OPCML: variants seen among roughly 807,000 people sequenced by gnomAD.
OPCML encodes opioid binding protein/cell adhesion molecule like, also known as opioid-binding protein/cell adhesion molecule.
OPCML carries 13 observed loss-of-function variants against 37.8 expected under a neutral mutation model. The observed-to-expected ratio is 0.34, with a 90% CI of 0.22 to 0.55. The LOEUF (loss-of-function observed/expected upper bound fraction) is 0.55. Ranked by LOEUF, OPCML falls within the 20% of genes least tolerant of loss-of-function variation. The pLI is 0.91. For missense variants in OPCML, 341 were observed against 435.6 expected, an observed-to-expected ratio of 0.78 and a Z score of 1.93; for synonymous variants, 176 against 168.8, an observed-to-expected ratio of 1.04 and a Z score of -0.33.
intron 3 of OPCML, among the ~76,000 whole-genome samples, chr11:132,532,146 C>T (rs1000392364): frequency 1.3e-4 from 20 of 152,152 alleles, no homozygotes; most frequent in African/African-American, 4.3e-4. Flanking sequence ...GCATGTCATC[C>T]TCATTGCTCA....
At chr11:133,363,609 G>C (rs1374350070) in intron 1 of OPCML, among the ~76,000 whole-genome samples, 1 of 152,202 alleles carries the variant, frequency 6.6e-6, no homozygotes, top group Non-Finnish European at 1.5e-5. Context: ...CAGAGGCACA[G>C]TCTTTCCTAT....
chr11:133,135,432 C>T (rs1949674033), intron 1 of OPCML, among the ~76,000 whole-genome samples: 1 of 131,790 alleles, frequency 7.6e-6, no homozygotes, highest in Non-Finnish European at 1.6e-5. Flanking sequence ...ATTCTTTGCC[C>T]TCCATAGGTT....
chr11:132,612,242 C>T (rs1288978003), intron 3 of OPCML, among the ~76,000 whole-genome samples: 1 of 152,100 alleles, frequency 6.6e-6, no homozygotes, highest in Non-Finnish European at 1.5e-5. Context: ...AACCTTTTTC[C>T]CTTGGAACGA....
intron 2 of OPCML, among the ~76,000 whole-genome samples, chr11:132,860,961 T>C (rs894316438): frequency 6.6e-6 from 1 of 152,234 alleles, no homozygotes; most frequent in Non-Finnish European, 1.5e-5. Context: ...CGAAGAGATT[T>C]GGAGAAACTG....
At chr11:132,609,331 A>C (rs1591619660) in intron 3 of OPCML, among the ~76,000 whole-genome samples, 2 of 152,202 alleles carry the variant, frequency 1.3e-5, no homozygotes. Context: ...CAAAAGTCTT[A>C]ATGTGAATAC....
intron 2 of OPCML, among the ~76,000 whole-genome samples, chr11:132,684,301 C>T (rs979717307): frequency 5.3e-5 from 8 of 152,148 alleles, no homozygotes; most frequent in African/African-American, 1.9e-4. Flanking sequence ...TTGAGATAGG[C>T]AACTTTATTT....
intron 2 of OPCML, among the ~76,000 whole-genome samples, chr11:132,854,135 C>A (rs1054511967): frequency 9.8e-5 from 15 of 152,294 alleles, no homozygotes; most frequent in African/African-American, 3.6e-4. Flanking sequence ...GGGCGGCTCA[C>A]AGAACCCAAG....
chr11:133,136,720 T>C (rs1372209046), intron 1 of OPCML, among the ~76,000 whole-genome samples: 1 of 151,860 alleles, frequency 6.6e-6, no homozygotes, highest in African/African-American at 2.4e-5. Context: ...GAGCAAGAAA[T>C]GCTACATTGG....
At chr11:133,137,183 A>G (rs1306649045) in intron 1 of OPCML, among the ~76,000 whole-genome samples, 2 of 152,080 alleles carry the variant, frequency 1.3e-5, no homozygotes, top group Non-Finnish European at 2.9e-5. Flanking sequence ...GCCTCTCTTG[A>G]AAAACTCTTC....
intron 1 of OPCML, among the ~76,000 whole-genome samples, chr11:133,222,814 G>T (rs943223940): frequency 6.6e-6 from 1 of 151,732 alleles, no homozygotes; most frequent in Admixed American, 6.6e-5. Context: ...GAGCAAAGGG[G>T]GGCCGAGCCG....
chr11:133,192,503 C>G (rs1253440261), intron 1 of OPCML, among the ~76,000 whole-genome samples: 2 of 152,230 alleles, frequency 1.3e-5, no homozygotes, highest in African/African-American at 4.8e-5. Context: ...TTACCACTCC[C>G]TTTCTGAAGG....
At chr11:133,198,399 A>G (rs1442850907) in intron 1 of OPCML, among the ~76,000 whole-genome samples, 2 of 152,276 alleles carry the variant, frequency 1.3e-5, no homozygotes, top group Non-Finnish European at 2.9e-5. Flanking sequence ...TTTAGCAAGT[A>G]AAGAATCAGA....
chr11:133,221,080 CT>C (rs1343284547), intron 1 of OPCML, among the ~76,000 whole-genome samples: 1 of 152,178 alleles, frequency 6.6e-6, no homozygotes, highest in Non-Finnish European at 1.5e-5. Context: ...GCTCAGAGGC[CT>C]TCTTGAGTGC....
intron 1 of OPCML, among the ~76,000 whole-genome samples, chr11:133,494,261 A>G (rs1468988272): frequency 2.6e-5 from 4 of 151,964 alleles, no homozygotes; most frequent in African/African-American, 7.3e-5. Context: ...GAACACTTTT[A>G]CACTGTTGGT....
intron 1 of OPCML, among the ~76,000 whole-genome samples, chr11:133,446,410 A>G (rs1310118812): frequency 6.6e-6 from 1 of 152,200 alleles, no homozygotes; most frequent in Non-Finnish European, 1.5e-5. Flanking sequence ...GCCCACTATA[A>G]TATAACTAGT....
intron 1 of OPCML, among the ~76,000 whole-genome samples, chr11:133,471,813 G>A (rs1293975788): frequency 6.6e-6 from 1 of 152,200 alleles, no homozygotes; most frequent in South Asian, 2.1e-4. Flanking sequence ...ACTGAGGTCA[G>A]GAGTCATTGA....
chr11:133,118,121 G>T, intron 1 of OPCML: 1 of 708,306 alleles, frequency 1.4e-6, no homozygotes, highest in Non-Finnish European at 1.7e-6. Context: ...CTGTGACTCA[G>T]GTGAAACTTC....
chr11:133,072,480 G>C (rs1181989766), intron 1 of OPCML, among the ~76,000 whole-genome samples: 1 of 152,158 alleles, frequency 6.6e-6, no homozygotes, highest in Non-Finnish European at 1.5e-5. Context: ...TAAAACAAAT[G>C]AATGAATCTC....
chr11:133,242,907 A>G (rs1478070208), intron 1 of OPCML, among the ~76,000 whole-genome samples: 4 of 152,266 alleles, frequency 2.6e-5, no homozygotes, highest in Admixed American at 2.6e-4. Context: ...AAAAGAAATA[A>G]AAATACATTT....
Sources: allele counts gnomAD v4.1 joint callset (sites outside exome capture counted in the v4.1 genomes callset), GRCh38; gene constraint gnomAD v4.1.1; transcripts MANE v1.5; gene names NCBI Gene and HGNC (gene_info 2026-07-23, HGNC 2026-07-21).